NLRP7: variants seen among roughly 807,000 people sequenced by gnomAD.
NLRP7 encodes the protein NLR family pyrin domain containing 7, also known as NACHT, LRR and PYD domains-containing protein 7.
In NLRP7, 72 loss-of-function variants were observed where a neutral mutation model predicts 85.5. That is an observed-to-expected ratio of 0.84 (90% CI 0.70 to 1.02). NLRP7 has a LOEUF of 1.02. NLRP7 is among the 50% of genes least tolerant of loss of function. NLRP7 has a pLI of 0.00. For missense variants in NLRP7, 1,243 were observed against 1,219.5 expected (o/e 1.02, Z -0.29); for synonymous variants, 550 against 505.2 (o/e 1.09, Z -1.19).
At chr19:54,949,521 G>C (rs2069603727), upstream of NLRP7, among the ~76,000 whole-genome samples, 1 of 152,148 alleles carries the variant, frequency 6.6e-6, no homozygotes, top group Admixed American at 6.6e-5. Flanking sequence ...AGCAGCTATG[G>C]AGAGATAAAC....
chr19:54,940,406 A>G (rs774980328), exon 4 of NLRP7: 1 of 1,614,078 alleles, frequency 6.2e-7, no homozygotes, highest in Non-Finnish European at 8.5e-7. Flanking sequence ...TCCTTGCCAA[A>G]AGGTGTTCTT....
At chr19:54,931,493 C>T (rs1025871286) in intron 8 of NLRP7, among the ~76,000 whole-genome samples, 14 of 152,042 alleles carry the variant, frequency 9.2e-5, no homozygotes, top group Non-Finnish European at 1.8e-4. Flanking sequence ...AGTTCAAGAC[C>T]AGCCTAAGCA....
intron 1 of NLRP7, among the ~76,000 whole-genome samples, chr19:54,945,964 T>C (rs1285147761): frequency 1.3e-5 from 2 of 151,886 alleles, no homozygotes; most frequent in African/African-American, 2.4e-5. Context: ...TAATTTTTTT[T>C]GTATTTTTAG....
At chr19:54,941,226 C>T (rs1034029371) in intron 2 of NLRP7, among the ~76,000 whole-genome samples, 3 of 150,468 alleles carry the variant, frequency 2.0e-5, no homozygotes, top group African/African-American at 7.3e-5. Context: ...AAAAATTAGC[C>T]AGGTGTGGTG....
intron 1 of NLRP7, chr19:54,965,483 T>C (rs1255672550): frequency 2.0e-5 from 2 of 100,230 alleles, no homozygotes; most frequent in Non-Finnish European, 4.2e-5. Flanking sequence ...TGAGACGGAG[T>C]CTCGCTCTGT....
intron 1 of NLRP7, among the ~76,000 whole-genome samples, chr19:54,944,189 T>A (rs10411425): frequency 6.6e-6 from 1 of 151,260 alleles, no homozygotes; most frequent in African/African-American, 2.4e-5. Context: ...AGGAAGGCCT[T>A]TTTGCAGTTA....
upstream of NLRP7, among the ~76,000 whole-genome samples, chr19:54,951,789 C>T (rs1473110493): frequency 1.3e-5 from 2 of 150,582 alleles, no homozygotes; most frequent in Non-Finnish European, 3.0e-5. Flanking sequence ...CTCGCTCTGT[C>T]GCCCAGGCTG....
At chr19:54,949,717 G>C (rs2069609614), upstream of NLRP7, among the ~76,000 whole-genome samples, 2 of 152,112 alleles carry the variant, frequency 1.3e-5, no homozygotes, top group South Asian at 4.1e-4. Context: ...CCTCCAGGGA[G>C]GGGAGAGGGG....
intron 9 of NLRP7, among the ~76,000 whole-genome samples, chr19:54,927,050 A>G (rs1324894498): frequency 6.6e-6 from 1 of 151,916 alleles, no homozygotes; most frequent in Non-Finnish European, 1.5e-5. Context: ...AGATCGCGCC[A>G]CTGCACTCCA....
rs143484098 is a variant in NLRP7 at position 54,959,813 on chromosome 19, A to G, written c.-77+6227T>C. On this transcript the variant is annotated intron_variant, in intron 1 of 2. Coordinates refer to the NLRP7 transcript ENST00000587103. The stretch of plus-strand genomic sequence containing the variant: ...GTCTGTCTGTAGAAAGTAAATGGAG[A>G]CAGCTTCATTTTACCCAACTGCTCC... Among the ~76,000 whole-genome samples, 28 of 151,966 alleles carry G rather than the reference A, an allele frequency of 1.8e-4. 1 individual carries two copies. The South Asian group carries it at 5.6e-3, about 30-fold the overall frequency.
intron 1 of NLRP7, among the ~76,000 whole-genome samples, chr19:54,952,736 T>C (rs996085143): frequency 2.6e-5 from 4 of 152,130 alleles, no homozygotes; most frequent in East Asian, 1.9e-4. Flanking sequence ...ACAGCGTGCA[T>C]TGGGCAACGG....
chr19:54,953,818 C>T (rs1275252772), intron 1 of NLRP7, among the ~76,000 whole-genome samples: 6 of 150,484 alleles, frequency 4.0e-5, no homozygotes, highest in East Asian at 2.0e-4. Context: ...CTGGCTAACA[C>T]GGTGAAACCA....
chr19:54,961,637 G>C (rs1415397627), intron 1 of NLRP7, among the ~76,000 whole-genome samples: 2 of 151,894 alleles, frequency 1.3e-5, no homozygotes, highest in South Asian at 4.2e-4. Context: ...AGTTCAAGAA[G>C]AGCCTGGCCA....
chr19:54,932,554 G>A (rs893687055), intron 8 of NLRP7, among the ~76,000 whole-genome samples: 7 of 152,106 alleles, frequency 4.6e-5, no homozygotes, highest in African/African-American at 4.8e-5. Context: ...GGTAGCTCAC[G>A]CTGGGCTTCT....
chr19:54,929,043 G>A (rs1401536734), intron 9 of NLRP7, among the ~76,000 whole-genome samples: 2 of 152,118 alleles, frequency 1.3e-5, no homozygotes, highest in African/African-American at 2.4e-5. Context: ...TCTGGCTTGA[G>A]GCTTGAAATA....
chr19:54,942,191 G>A (rs1274913875), intron 1 of NLRP7, among the ~76,000 whole-genome samples: 1 of 142,564 alleles, frequency 7.0e-6, no homozygotes, highest in East Asian at 2.1e-4. Flanking sequence ...GGGAAGTGGA[G>A]CTTGCAGTGA....
At chr19:54,947,040 T>G (rs2069505743) in intron 1 of NLRP7, among the ~76,000 whole-genome samples, 1 of 152,016 alleles carries the variant, frequency 6.6e-6, no homozygotes, top group Non-Finnish European at 1.5e-5. Flanking sequence ...CCTTAAGACA[T>G]TAGGCCAGGC....
chr19:54,961,968 G>T (rs1362546961), intron 1 of NLRP7, among the ~76,000 whole-genome samples: 1 of 151,128 alleles, frequency 6.6e-6, no homozygotes, highest in Non-Finnish European at 1.5e-5. Context: ...AGAACAGCCT[G>T]GCCAAAAGGG....
chr19:54,957,648 T>C (rs2069902734), intron 1 of NLRP7, among the ~76,000 whole-genome samples: 1 of 152,084 alleles, frequency 6.6e-6, no homozygotes, highest in African/African-American at 2.4e-5. Flanking sequence ...CCCTACACTC[T>C]TATACTCCTT....
Sources: allele counts gnomAD v4.1 joint callset (sites outside exome capture counted in the v4.1 genomes callset), GRCh38; gene constraint gnomAD v4.1.1; transcripts MANE v1.5; gene names NCBI Gene and HGNC (gene_info 2026-07-23, HGNC 2026-07-21).